Variants in ASAP1 observed in about 807,000 individuals in gnomAD.
ASAP1 encodes the protein ArfGAP with SH3 domain, ankyrin repeat and PH domain 1.
Under a neutral mutation model 145.2 loss-of-function variants are expected in ASAP1, and 43 were observed. The observed-to-expected ratio is 0.30, with a 90% CI of 0.23 to 0.38. The LOEUF (loss-of-function observed/expected upper bound fraction) is 0.38. Among genes scored for constraint, ASAP1 ranks in the 10% least tolerant of loss-of-function variants. The pLI is 1.00. For synonymous variants in ASAP1, 546 were observed against 515.5 expected (o/e 1.06, Z -0.80); for missense variants, 1,018 against 1,355.3 (o/e 0.75, Z 3.91).
chr8:130,360,593 C>T (rs1444682813), intron 2 of ASAP1: 1 of 152,202 alleles, frequency 6.6e-6, no homozygotes, highest in Non-Finnish European at 1.5e-5. Context: ...GGGGAATGTC[C>T]ATAAATAAAT....
intron 3 of ASAP1, among the ~76,000 whole-genome samples, chr8:130,240,292 T>C (rs1034265876): frequency 6.6e-6 from 1 of 152,090 alleles, no homozygotes; most frequent in Non-Finnish European, 1.5e-5. Flanking sequence ...CAGGTAAGTC[T>C]AGGTGACACT....
intron 3 of ASAP1, among the ~76,000 whole-genome samples, chr8:130,324,906 C>T (rs984527984): frequency 1.3e-5 from 2 of 152,208 alleles, no homozygotes; most frequent in African/African-American, 4.8e-5. Context: ...GCAGGAGAGG[C>T]TCTAGACAGT....
At chr8:130,059,220 A>G (rs2097411988) in intron 28 of ASAP1, among the ~76,000 whole-genome samples, 1 of 151,600 alleles carries the variant, frequency 6.6e-6, no homozygotes, top group African/African-American at 2.4e-5. Flanking sequence ...GCTAGAGTGC[A>G]GTGGCATGAT....
chr8:130,200,923 A>G (rs1815828673), intron 5 of ASAP1, among the ~76,000 whole-genome samples: 1 of 152,248 alleles, frequency 6.6e-6, no homozygotes, highest in Admixed American at 6.5e-5. Context: ...AAACAGTTGC[A>G]GCTTCTCCGT....
intron 3 of ASAP1, among the ~76,000 whole-genome samples, chr8:130,329,506 A>G (rs762473272): frequency 1.4e-4 from 21 of 152,234 alleles, no homozygotes; most frequent in Admixed American, 5.9e-4. Flanking sequence ...GTCCAAATCT[A>G]TAGTCCTACA....
chr8:130,072,123 T>C (rs2135215856), intron 27 of ASAP1, among the ~76,000 whole-genome samples: 1 of 152,310 alleles, frequency 6.6e-6, no homozygotes, highest in Non-Finnish European at 1.5e-5. Flanking sequence ...GCTGACATCA[T>C]GAAGCTTTCA....
At chr8:130,409,809 T>C (rs779655342) in intron 1 of ASAP1, among the ~76,000 whole-genome samples, 1 of 152,206 alleles carries the variant, frequency 6.6e-6, no homozygotes, top group Admixed American at 6.5e-5. Context: ...AACCACTGTC[T>C]TGCTGGATTA....
chr8:130,380,776 C>T (rs1178929202), intron 2 of ASAP1, among the ~76,000 whole-genome samples: 3 of 152,066 alleles, frequency 2.0e-5, no homozygotes, highest in Admixed American at 2.0e-4. Context: ...TGCAGGCTGA[C>T]GTGCAGTCAT....
At chr8:130,121,784 CAAAAAAAAAAAAA>C (rs56996962) in intron 18 of ASAP1, among the ~76,000 whole-genome samples, 9 of 25,406 alleles carry the variant, frequency 3.5e-4, no homozygotes, top group South Asian at 4.5e-3. Flanking sequence ...AATTCCATCT[CAAAAAAAAAAAAA>C]AAAAAAAAAA....
chr8:130,216,988 T>C (rs1816967715), intron 4 of ASAP1, among the ~76,000 whole-genome samples: 1 of 152,236 alleles, frequency 6.6e-6, no homozygotes, highest in Admixed American at 6.5e-5. Context: ...CTTGTGACTC[T>C]TGTGGCAGAC....
At chr8:130,381,794 C>A (rs1042583130) in intron 2 of ASAP1, among the ~76,000 whole-genome samples, 85 of 152,286 alleles carry the variant, frequency 5.6e-4, no homozygotes, top group African/African-American at 1.9e-3. Flanking sequence ...GGAACACACC[C>A]CCCTGAGGGC....
intron 1 of ASAP1, among the ~76,000 whole-genome samples, chr8:130,424,670 G>C (rs575399843): frequency 5.3e-5 from 8 of 152,238 alleles, no homozygotes; most frequent in Admixed American, 1.3e-4. Context: ...CCAGGTAGCA[G>C]GCCCAGAGAC....
intron 3 of ASAP1, among the ~76,000 whole-genome samples, chr8:130,333,151 T>C (rs921413365): frequency 1.2e-4 from 19 of 152,196 alleles, no homozygotes; most frequent in Admixed American, 1.2e-3. Context: ...ACTACCTTAT[T>C]ATCTACTCCT....
chr8:130,232,063 T>A (rs1173652674), intron 4 of ASAP1, among the ~76,000 whole-genome samples: 1 of 152,206 alleles, frequency 6.6e-6, no homozygotes, highest in Non-Finnish European at 1.5e-5. Flanking sequence ...TGCTTGAGTA[T>A]CCTCAATATG....
intron 5 of ASAP1, among the ~76,000 whole-genome samples, chr8:130,196,346 A>C (rs116151742): frequency 0.02 from 3,061 of 151,948 alleles, 99 homozygotes; most frequent in African/African-American, 0.068. Flanking sequence ...CCATCTCAAA[A>C]AAAAAAAAAA....
intron 24 of ASAP1, among the ~76,000 whole-genome samples, chr8:130,106,383 G>C (rs2135536134): frequency 6.6e-6 from 1 of 152,302 alleles, no homozygotes; most frequent in South Asian, 2.1e-4. Context: ...TCATGCAGTA[G>C]TGTACTTTCA....
chr8:130,233,976 A>AT (rs1028859066), intron 4 of ASAP1, among the ~76,000 whole-genome samples: 30 of 152,276 alleles, frequency 2.0e-4, no homozygotes, highest in Admixed American at 3.9e-4. Context: ...GGGGAATAAT[A>AT]TTTTTTTAAT....
chr8:130,232,132 C>T (rs1817943720), intron 4 of ASAP1, among the ~76,000 whole-genome samples: 1 of 152,162 alleles, frequency 6.6e-6, no homozygotes, highest in Non-Finnish European at 1.5e-5. Flanking sequence ...GAGGTTGAAG[C>T]TATCTTGTCT....
intron 3 of ASAP1, among the ~76,000 whole-genome samples, chr8:130,241,224 C>G (rs1040960748): frequency 5.3e-5 from 8 of 152,106 alleles, no homozygotes; most frequent in Admixed American, 2.6e-4. Context: ...AGAGTCCTTT[C>G]CCCACAAAAG....
Sources: gnomAD v4.1 joint callset for allele counts (sites outside exome capture counted in the v4.1 genomes callset) on GRCh38, gnomAD v4.1.1 for gene constraint, MANE v1.5 for transcripts, NCBI Gene and HGNC (gene_info 2026-07-23, HGNC 2026-07-21) for gene names.